FKBP1B: variants seen among roughly 807,000 people sequenced by gnomAD.
FKBP1B encodes FKBP prolyl isomerase 1B, also known as peptidyl-prolyl cis-trans isomerase FKBP1B.
Under a neutral mutation model 13.5 loss-of-function variants are expected in FKBP1B, and 4 were observed. That is an observed-to-expected ratio of 0.30 (90% CI 0.15 to 0.68). The LOEUF (loss-of-function observed/expected upper bound fraction) is 0.68, where lower values mean the gene tolerates loss of function less well. Ranked by LOEUF, FKBP1B falls within the 30% of genes least tolerant of loss-of-function variation. FKBP1B has a pLI of 0.76. For missense variants in FKBP1B, 93 were observed against 136.2 expected (o/e 0.68, Z 1.58); for synonymous variants, 54 against 53.6 (o/e 1.01, Z -0.03).
Position 24,053,938 on chromosome 2 carries a change from T to C in FKBP1B, c.74T>C (p.Val25Ala). The C allele has an allele frequency of 6.2e-7, 1 of 1,614,154 alleles. No homozygotes were observed. Among genetic ancestry groups the C allele is most frequent in the African/African-American group, 1.3e-5 (1 of 75,044 alleles). Residue 25 changes from valine to alanine, a missense_variant, in exon 2 of 4, where the codon GTG becomes GCG. Physicochemically the swap from Val to Ala is moderately conservative, Grantham distance 64. Coordinates refer to ENST00000380986, the MANE Select transcript of FKBP1B (RefSeq NM_004116.5). ...CCCAAGAAGGGCCAAACGTGTGTGG[T>C]GCACTACACAGGTAAGTCTCACCCC... The part of the protein sequence containing the change: ...TFPKKGQTCV[V>A]HYTGMLQNGK...
At chr2:24,048,107 A>G (rs1017344198), upstream of FKBP1B, among the ~76,000 whole-genome samples, 1 of 152,114 alleles carries the variant, frequency 6.6e-6, no homozygotes, top group East Asian at 1.9e-4. Context: ...TTTTCTCCCC[A>G]TGCCTATCTT....
At chr2:24,051,971 C>A (rs546401555) in intron 1 of FKBP1B, among the ~76,000 whole-genome samples, 4 of 152,154 alleles carry the variant, frequency 2.6e-5, no homozygotes, top group Non-Finnish European at 5.9e-5. Context: ...GATTGCCACC[C>A]GCACAAATCT....
chr2:24,038,368 T>C, the FKBP1B span: 1 of 1,614,210 alleles, frequency 6.2e-7, no homozygotes, highest in African/African-American at 1.3e-5. Flanking sequence ...TTGCTGGATG[T>C]TTGGGACTGA....
chr2:24,051,618 G>C (rs1663880777), intron 1 of FKBP1B, among the ~76,000 whole-genome samples: 1 of 152,186 alleles, frequency 6.6e-6, no homozygotes, highest in African/African-American at 2.4e-5. Flanking sequence ...AAACAGACAG[G>C]GTTCCCGCTA....
At chr2:24,036,136 G>C in the FKBP1B span, among the ~76,000 whole-genome samples, 1 of 150,600 alleles carries the variant, frequency 6.6e-6, no homozygotes, top group African/African-American at 2.4e-5. Context: ...GCAAAGCTGT[G>C]ACTTAAAAAA....
intron 2 of FKBP1B, among the ~76,000 whole-genome samples, chr2:24,059,194 C>T (rs1483335502): frequency 2.0e-5 from 3 of 150,552 alleles, no homozygotes; most frequent in South Asian, 2.1e-4. Context: ...CAGGGACTGC[C>T]GGGAGCAGTC....
At chr2:24,062,297 C>T (rs149871016) in intron 3 of FKBP1B, among the ~76,000 whole-genome samples, 200 of 152,248 alleles carry the variant, frequency 1.3e-3, no homozygotes, top group African/African-American at 4.6e-3. Context: ...CCCAGCCTCC[C>T]GAGTAGCTGA....
chr2:24,055,717 G>A (rs1158658080), intron 2 of FKBP1B, among the ~76,000 whole-genome samples: 1 of 152,206 alleles, frequency 6.6e-6, no homozygotes, highest in Non-Finnish European at 1.5e-5. Flanking sequence ...TACCGTTGAT[G>A]AACATTTGGG....
intron 3 of FKBP1B, 25 bp from the exon 4 acceptor site, chr2:24,063,039 C>T: frequency 6.2e-7 from 1 of 1,614,202 alleles, no homozygotes; most frequent in Non-Finnish European, 8.5e-7. Flanking sequence ...TTTCTCCTCT[C>T]CCCATCTGCC....
chr2:24,039,206 A>T, the FKBP1B span: 1 of 1,613,822 alleles, frequency 6.2e-7, no homozygotes, highest in East Asian at 2.2e-5. Flanking sequence ...CATTTGCTTG[A>T]CTCCATAGGG....
chr2:24,057,595 A>C (rs1664190181), intron 2 of FKBP1B, among the ~76,000 whole-genome samples: 1 of 151,734 alleles, frequency 6.6e-6, no homozygotes, highest in Non-Finnish European at 1.5e-5. Flanking sequence ...CTGGTCTCGA[A>C]CTCCCTACCT....
the FKBP1B span, chr2:24,037,828 T>A: frequency 6.2e-7 from 1 of 1,614,228 alleles, no homozygotes; most frequent in Admixed American, 1.7e-5. Context: ...CTTAGACAGC[T>A]GATAAGTTTC....
the FKBP1B span, among the ~76,000 whole-genome samples, chr2:24,044,600 T>C: frequency 6.6e-6 from 1 of 152,154 alleles, no homozygotes; most frequent in African/African-American, 2.4e-5. Flanking sequence ...TGAATTTTAA[T>C]ATTGTCATCT....
chr2:24,060,969 G>T, intron 3 of FKBP1B, 43 bp downstream of exon 3: 4 of 1,460,832 alleles, frequency 2.7e-6, no homozygotes, highest in East Asian at 2.3e-5. Context: ...GGGAGTTGGG[G>T]ATCTGGGATC....
At chr2:24,035,939 C>T in the FKBP1B span, among the ~76,000 whole-genome samples, 4 of 151,494 alleles carry the variant, frequency 2.6e-5, no homozygotes, top group Non-Finnish European at 4.4e-5. Context: ...TGTGGTGGCA[C>T]GTGCCTGTAA....
At chr2:24,046,546 T>C (rs996516896), upstream of FKBP1B, among the ~76,000 whole-genome samples, 1 of 152,142 alleles carries the variant, frequency 6.6e-6, no homozygotes, top group Non-Finnish European at 1.5e-5. Flanking sequence ...TTTAATTCTG[T>C]TTTTCATCTT....
chr2:24,038,484 T>C, the FKBP1B span: 13 of 1,614,120 alleles, frequency 8.1e-6, no homozygotes, highest in Non-Finnish European at 1.0e-5. Context: ...CCAGAATGCC[T>C]GGAATAGTGA....
the FKBP1B span, among the ~76,000 whole-genome samples, chr2:24,040,236 C>CA: frequency 1.5e-4 from 23 of 151,516 alleles, no homozygotes; most frequent in African/African-American, 2.7e-4. Flanking sequence ...AATGGTTTGA[C>CA]AAAAAAAACC....
chr2:24,040,900 C>A, the FKBP1B span, among the ~76,000 whole-genome samples: 1 of 152,146 alleles, frequency 6.6e-6, no homozygotes, highest in Admixed American at 6.6e-5. Context: ...CCTATACTCC[C>A]AGCTACTTAG....
Sources: gnomAD v4.1 joint callset for allele counts (sites outside exome capture counted in the v4.1 genomes callset) on GRCh38, gnomAD v4.1.1 for gene constraint, MANE v1.5 for transcripts, NCBI Gene and HGNC (gene_info 2026-07-23, HGNC 2026-07-21) for gene names.